The following NKAIN3 variants were observed in gnomAD, a reference collection of about 807,000 sequenced individuals.
NKAIN3 encodes the protein sodium/potassium-transporting ATPase subunit beta-1-interacting protein 3.
In NKAIN3, 25 loss-of-function variants were observed where a neutral mutation model predicts 30.2. That is an observed-to-expected ratio of 0.83 (90% CI 0.60 to 1.16). The LOEUF (loss-of-function observed/expected upper bound fraction) is 1.16, where lower values mean the gene tolerates loss of function less well. NKAIN3 is among the 50% of genes most tolerant of loss of function. The probability of loss-of-function intolerance (pLI) is 0.00; values close to 1 mark genes in which losing one functional copy is unlikely to be tolerated. For missense variants in NKAIN3, 225 were observed against 254.1 expected (o/e 0.89, Z 0.78); for synonymous variants, 91 against 89.6 (o/e 1.02, Z -0.09).
intron 1 of NKAIN3, among the ~76,000 whole-genome samples, chr8:62,475,945 C>T (rs117092951): frequency 1.9e-3 from 282 of 152,282 alleles, no homozygotes; most frequent in Admixed American, 6.5e-3. Context: ...CAAACTCATG[C>T]AGCCTCCACT....
At chr8:62,855,652 G>A in intron 4 of NKAIN3, 3 of 1,604,376 alleles carry the variant, frequency 1.9e-6, no homozygotes, top group Non-Finnish European at 2.6e-6. Flanking sequence ...CCAGGTTCCT[G>A]AAGTGCTGCT....
chr8:62,784,641 A>C (rs1817459620), intron 4 of NKAIN3, among the ~76,000 whole-genome samples: 1 of 152,090 alleles, frequency 6.6e-6, no homozygotes, highest in Non-Finnish European at 1.5e-5. Context: ...CAACAACAAC[A>C]ACAAAAATAT....
chr8:62,729,154 A>G (rs1815388022), intron 3 of NKAIN3, among the ~76,000 whole-genome samples: 1 of 151,986 alleles, frequency 6.6e-6, no homozygotes, highest in Admixed American at 6.6e-5. Context: ...GTTGTCCAAC[A>G]TACACAATGT....
intron 1 of NKAIN3, among the ~76,000 whole-genome samples, chr8:62,511,676 C>T (rs1295229408): frequency 1.3e-5 from 2 of 152,130 alleles, no homozygotes; most frequent in Non-Finnish European, 2.9e-5. Context: ...TACCACAGTT[C>T]CACCAGCCTT....
chr8:62,544,168 AT>A (rs1257770425), intron 1 of NKAIN3, among the ~76,000 whole-genome samples: 4 of 151,932 alleles, frequency 2.6e-5, no homozygotes, highest in African/African-American at 9.7e-5. Context: ...CATCTGGCTA[AT>A]TTTTAGTATT....
intron 3 of NKAIN3, among the ~76,000 whole-genome samples, chr8:62,725,812 G>C (rs930250508): frequency 6.6e-6 from 1 of 152,096 alleles, no homozygotes; most frequent in South Asian, 2.1e-4. Context: ...GTTCAGGATA[G>C]CTTTGGCTAT....
intron 1 of NKAIN3, among the ~76,000 whole-genome samples, chr8:62,321,459 T>A (rs893525770): frequency 1.3e-5 from 2 of 152,168 alleles, no homozygotes; most frequent in Non-Finnish European, 2.9e-5. Flanking sequence ...ATCTTTGTGG[T>A]TTATCTACCT....
At chr8:62,584,089 G>C (rs1810397563) in intron 2 of NKAIN3, among the ~76,000 whole-genome samples, 1 of 152,168 alleles carries the variant, frequency 6.6e-6, no homozygotes, top group Non-Finnish European at 1.5e-5. Flanking sequence ...TTCAATGGCA[G>C]TGAGAAGAGT....
chr8:62,343,470 A>T (rs536801970), intron 1 of NKAIN3, among the ~76,000 whole-genome samples: 1 of 152,052 alleles, frequency 6.6e-6, no homozygotes, highest in African/African-American at 2.4e-5. Context: ...ACTATTCTAT[A>T]GTCAGTTGAA....
intron 1 of NKAIN3, among the ~76,000 whole-genome samples, chr8:62,387,190 A>G (rs1438470235): frequency 6.6e-6 from 1 of 152,084 alleles, no homozygotes; most frequent in South Asian, 2.1e-4. Flanking sequence ...AAATCAGGGA[A>G]TCATCAACCA....
chr8:62,311,658 C>T lies in NKAIN3; in HGVS notation c.54+62531C>T, dbSNP rs1814436385. Among the ~76,000 whole-genome samples the T allele has an allele frequency of 2.0e-5, 3 of 150,400 alleles. 1 individual carries two copies. The highest frequency in any genetic ancestry group is 7.5e-5 in the African/African-American group (3 of 39,836). ...CAAGTCTGTGTGGGATTCTTGGTGC[C>T]AATGAGCTTTTAAGCCGAGTGGTTT... is the stretch of plus-strand genomic sequence containing the variant. On this transcript the variant is annotated intron_variant, in intron 1 of 6. Coordinates refer to ENST00000623646, the MANE Select transcript of NKAIN3 (RefSeq NM_001304533.3).
At chr8:62,372,251 C>A (rs1453397544) in intron 1 of NKAIN3, among the ~76,000 whole-genome samples, 1 of 151,752 alleles carries the variant, frequency 6.6e-6, no homozygotes, top group Non-Finnish European at 1.5e-5. Context: ...CACATATATT[C>A]TTTAAGTAAT....
At chr8:62,561,893 A>C (rs558519240) in intron 1 of NKAIN3, among the ~76,000 whole-genome samples, 1 of 152,146 alleles carries the variant, frequency 6.6e-6, no homozygotes, top group South Asian at 2.1e-4. Flanking sequence ...CTTTCAGCTA[A>C]AGTGTGGAAT....
At chr8:62,881,358 G>A (rs931560147) in intron 4 of NKAIN3, among the ~76,000 whole-genome samples, 1 of 152,130 alleles carries the variant, frequency 6.6e-6, no homozygotes, top group Admixed American at 6.5e-5. Context: ...GCCTTTTCCA[G>A]AATGTTATGT....
intron 3 of NKAIN3, among the ~76,000 whole-genome samples, chr8:62,631,900 G>A (rs189771152): frequency 6.6e-6 from 1 of 152,180 alleles, no homozygotes; most frequent in Admixed American, 6.5e-5. Flanking sequence ...TTAAGGGTGA[G>A]TACAGTGTCT....
Position 62,270,825 on chromosome 8 carries a change from G to A in NKAIN3, c.54+21698G>A, listed in dbSNP as rs1232654599. Among the ~76,000 whole-genome samples the A allele has an allele frequency of 2.0e-5, 3 of 152,104 alleles. No individual in the cohort carries two copies. In the East Asian group the frequency reaches 5.8e-4, roughly 29 times the overall value. On this transcript the variant is annotated intron_variant, in intron 1 of 6. Coordinates refer to ENST00000623646, the MANE Select transcript of NKAIN3 (RefSeq NM_001304533.3). ...GCGAGCATGTGGCATTTGCGTTTCT[G>A]TGCCTAGCTCATTTCACTTAGCATA...
chr8:62,735,130 T>C (rs1284396015), intron 3 of NKAIN3, among the ~76,000 whole-genome samples: 1 of 152,220 alleles, frequency 6.6e-6, no homozygotes, highest in Non-Finnish European at 1.5e-5. Flanking sequence ...GAGCTTCTTA[T>C]ATTTAGATGT....
At chr8:62,945,284 T>C (rs1039521402) in intron 5 of NKAIN3, among the ~76,000 whole-genome samples, 1 of 152,214 alleles carries the variant, frequency 6.6e-6, no homozygotes, top group Non-Finnish European at 1.5e-5. Flanking sequence ...GGCTGAGATA[T>C]GTGCCCAAAA....
chr8:62,656,812 C>A (rs1812776918), intron 3 of NKAIN3, among the ~76,000 whole-genome samples: 2 of 152,076 alleles, frequency 1.3e-5, no homozygotes, highest in Admixed American at 1.3e-4. Flanking sequence ...TAAAGAGAAA[C>A]CTGTAATGGT....
Sources: gnomAD v4.1 joint callset for allele counts (sites outside exome capture counted in the v4.1 genomes callset) on GRCh38, gnomAD v4.1.1 for gene constraint, MANE v1.5 for transcripts, NCBI Gene and HGNC (gene_info 2026-07-23, HGNC 2026-07-21) for gene names.